Variants in INTS8 observed in about 807,000 individuals in gnomAD.
The protein encoded by INTS8 is protein kaonashi-1.
A neutral mutation model predicts 138.9 loss-of-function variants in INTS8; 47 were observed. That is an observed-to-expected ratio of 0.34 (90% CI 0.27 to 0.43). The LOEUF is 0.43. Ranked by LOEUF, INTS8 falls within the 20% of genes least tolerant of loss-of-function variation. INTS8 has a pLI of 1.00. For missense variants in INTS8, 996 were observed against 1,173.0 expected (o/e 0.85, Z 2.20); for synonymous variants, 392 against 400.9 (o/e 0.98, Z 0.27).
chr8:94,851,786 T>C, intron 13 of INTS8, 100 bp downstream of exon 13: 1 of 930,602 alleles, frequency 1.1e-6, no homozygotes, highest in Admixed American at 2.9e-5. Flanking sequence ...TAAGGACCTC[T>C]TACTTAACAG....
At chr8:94,875,576 A>T (rs1816539247) in intron 23 of INTS8, among the ~76,000 whole-genome samples, 1 of 152,180 alleles carries the variant, frequency 6.6e-6, no homozygotes, top group African/African-American at 2.4e-5. Flanking sequence ...ATATACTAAA[A>T]ACCACCAGAT....
chr8:94,880,597 T>G lies in INTS8; in HGVS notation c.*363T>G. On this transcript the variant is annotated 3_prime_UTR_variant, in exon 27 of 27. Transcript: ENST00000523731. The stretch of plus-strand genomic sequence containing the variant: ...TCATGTCTTTTTTTAATAAATAGAT[T>G]TCTAGGAGTCAGTATATATTTAATA... 2.9e-6 allele frequency: 1 copy of G among 348,526 alleles called. No individual in the cohort carries two copies. The highest frequency in any genetic ancestry group is 5.1e-6 in the Non-Finnish European group (1 of 197,144). The allele number at this position is 348,526 out of a possible 1,614,324, so 21.6% of individuals were successfully genotyped here. A position where few individuals can be genotyped will look rare whatever the true frequency, so the allele number is the denominator to read the frequency against.
intron 20 of INTS8, among the ~76,000 whole-genome samples, chr8:94,871,199 G>A (rs2131070873): frequency 6.6e-6 from 1 of 152,094 alleles, no homozygotes; most frequent in South Asian, 2.1e-4. Context: ...CAGGTGTGGT[G>A]GCTCAGGACT....
chr8:94,849,167 T>G lies in INTS8; in HGVS notation c.1261-295T>G, dbSNP rs79115072. ...CTGATTTCTATGGTTTATCACTTAA[T>G]ATAATTTGGCAACATAGTTGATAAA... On this transcript the variant is annotated intron_variant, in intron 10 of 26. Coordinates refer to ENST00000523731, the MANE Select transcript of INTS8 (RefSeq NM_017864.4). 0.026 allele frequency among the ~76,000 whole-genome samples: 3,889 copies of G among 152,270 alleles called. 70 individuals are homozygous for G. Among genetic ancestry groups the G allele is most frequent in the Non-Finnish European group, 0.04 (2,700 of 67,984 alleles).
At chr8:94,852,778 G>T (rs568881455) in intron 13 of INTS8, among the ~76,000 whole-genome samples, 121 of 151,900 alleles carry the variant, frequency 8.0e-4, no homozygotes, top group African/African-American at 2.7e-3. Context: ...TAGTAGATAC[G>T]GGTTTCTCCA....
chr8:94,852,917 A>G (rs533759130), intron 13 of INTS8, among the ~76,000 whole-genome samples: 1 of 152,106 alleles, frequency 6.6e-6, no homozygotes, highest in Non-Finnish European at 1.5e-5. Flanking sequence ...CTGTATTTTT[A>G]AAAATTGGGT....
intron 7 of INTS8, 152 bp from the exon 8 acceptor site, chr8:94,838,311 A>G (rs543043512): frequency 3.9e-6 from 2 of 512,026 alleles, no homozygotes; most frequent in Middle Eastern, 5.4e-4. Flanking sequence ...CGGCCTCCCA[A>G]AGTGCTGGGA....
rs1201136137 is a variant in INTS8 at position 94,853,797 on chromosome 8, T to G, written c.1642-8T>G. ...TGCATATATATATGTATTTTTTGTT[T>G]CTTTTAGTGGGAAGTACCTTCTGTC... On this transcript the variant is annotated splice_region_variant and splice_polypyrimidine_tract_variant and intron_variant, in intron 13 of 26. Coordinates refer to ENST00000523731, the MANE Select transcript of INTS8 (RefSeq NM_017864.4). 1.3e-6 allele frequency: 2 copies of G among 1,533,814 alleles called. No homozygotes were observed. Among genetic ancestry groups the G allele is most frequent in the South Asian group, 2.2e-5 (2 of 89,356 alleles).
intron 6 of INTS8, among the ~76,000 whole-genome samples, chr8:94,835,238 G>C (rs1049249265): frequency 3.3e-5 from 5 of 152,088 alleles, no homozygotes; most frequent in African/African-American, 1.2e-4. Context: ...GCTATTACTT[G>C]GTTATATGCT....
At chr8:94,878,383 C>T in intron 26 of INTS8, among the ~76,000 whole-genome samples, 1 of 152,212 alleles carries the variant, frequency 6.6e-6, no homozygotes, top group East Asian at 1.9e-4. Context: ...TGGCCAGGCT[C>T]TGTCCTCATG....
intron 14 of INTS8, among the ~76,000 whole-genome samples, chr8:94,855,242 A>G (rs1345983750): frequency 1.3e-5 from 2 of 152,236 alleles, no homozygotes; most frequent in East Asian, 1.9e-4. Context: ...CTGTAATTTC[A>G]TAAAAAAGTT....
chr8:94,852,173 C>G (rs1441362029), intron 13 of INTS8, among the ~76,000 whole-genome samples: 1 of 151,886 alleles, frequency 6.6e-6, no homozygotes, highest in African/African-American at 2.4e-5. Context: ...GAACTCCTGA[C>G]CACCAGTGAT....
At chr8:94,835,833 C>T (rs913200885) in intron 6 of INTS8, among the ~76,000 whole-genome samples, 9 of 152,082 alleles carry the variant, frequency 5.9e-5, no homozygotes, top group African/African-American at 2.2e-4. Flanking sequence ...CTCTTGACCT[C>T]GTGATCCACC....
intron 10 of INTS8, among the ~76,000 whole-genome samples, chr8:94,844,337 C>A (rs567176037): frequency 1.3e-5 from 2 of 151,928 alleles, no homozygotes; most frequent in East Asian, 3.9e-4. Flanking sequence ...CCGTGCCTGG[C>A]CAGAGTTCTG....
chr8:94,849,597 T>A (rs16917082), intron 11 of INTS8, 65 bp downstream of exon 11: 167,994 of 954,822 alleles, frequency 0.18, 15,545 homozygotes, highest in Middle Eastern at 0.24. Flanking sequence ...GTGAACAAAA[T>A]ATCTGTATTA....
chr8:94,827,243 G>T lies in INTS8; in HGVS notation c.306-20G>T. The T allele has an allele frequency of 6.2e-7, 1 of 1,607,754 alleles. No homozygotes were observed. ...TCTTTCACAATTAATGTGCAAACAT[G>T]TACGTTTTGCTTCTTCAAGTTTGTC... On this transcript the variant is annotated intron_variant, in intron 2 of 26. Transcript: ENST00000523731.
chr8:94,861,284 C>G (rs113151507), intron 16 of INTS8, among the ~76,000 whole-genome samples: 53,672 of 76,330 alleles, frequency 0.7, 18,378 homozygotes, highest in Middle Eastern at 0.82. Context: ...TTTTTTGAGA[C>G]GGAGTCTCGC....
At chr8:94,825,283 C>G (rs117398578) in intron 2 of INTS8, among the ~76,000 whole-genome samples, 4,182 of 152,094 alleles carry the variant, frequency 0.027, 80 homozygotes, top group South Asian at 0.04. Context: ...AACCTCGTCT[C>G]TAGCCGGGCA....
chr8:94,824,785 C>CA, intron 1 of INTS8, 108 bp from the exon 2 acceptor site: 3 of 10,088 alleles, frequency 3.0e-4, no homozygotes, highest in Admixed American at 1.0e-3. Flanking sequence ...AACCCAAACT[C>CA]CCCCCCCCCC....
Sources: gnomAD v4.1 joint callset for allele counts (sites outside exome capture counted in the v4.1 genomes callset) on GRCh38, gnomAD v4.1.1 for gene constraint, MANE v1.5 for transcripts, NCBI Gene and HGNC (gene_info 2026-07-23, HGNC 2026-07-21) for gene names.